KCNH5: variants seen among roughly 807,000 people sequenced by gnomAD.
KCNH5 encodes the protein potassium voltage-gated channel subfamily H member 5, also known as voltage-gated delayed rectifier potassium channel KCNH5.
Under a neutral mutation model 96.1 loss-of-function variants are expected in KCNH5, and 46 were observed. That is an observed-to-expected ratio of 0.48 (90% confidence interval 0.38 to 0.61). The LOEUF is 0.61. KCNH5 is among the 20% of genes least tolerant of loss of function. The pLI is 0.00. For missense variants in KCNH5, 907 were observed against 1,225.8 expected (o/e 0.74, Z 3.88); for synonymous variants, 439 against 449.8 (o/e 0.98, Z 0.30).
chr14:62,826,365 T>G (rs1887223271), intron 8 of KCNH5, among the ~76,000 whole-genome samples: 1 of 151,474 alleles, frequency 6.6e-6, no homozygotes, highest in African/African-American at 2.4e-5. Flanking sequence ...TGTTTGGCTT[T>G]TATTATTGTT....
rs1382379312 is a variant in KCNH5, at chr14:62,700,178, A to C, written c.*7330T>G. ...AACATAGACTAAAAAGAACTCTATAATTTTCAATATATCGTGAATCTGCAC... is the reference window on the plus strand; with the variant it reads ...AACATAGACTAAAAAGAACTCTATACTTTTCAATATATCGTGAATCTGCAC... On this transcript the variant is annotated 3_prime_UTR_variant, in exon 11 of 11. Coordinates refer to ENST00000322893, the MANE Select transcript of KCNH5 (RefSeq NM_139318.5). 2.6e-5 allele frequency: 4 copies of C among 152,192 alleles called. No individual in the cohort carries two copies. The highest frequency in any genetic ancestry group is 9.7e-5 in the African/African-American group (4 of 41,446). 9.4% of individuals were successfully genotyped at this position (152,192 alleles called of 1,614,324 possible).
intron 10 of KCNH5, among the ~76,000 whole-genome samples, chr14:62,727,568 A>G (rs1405451328): frequency 6.6e-6 from 1 of 152,144 alleles, no homozygotes; most frequent in African/African-American, 2.4e-5. Flanking sequence ...GTATATTTTC[A>G]TAAGAAGTTT....
intron 7 of KCNH5, among the ~76,000 whole-genome samples, chr14:62,945,169 T>G (rs1889862957): frequency 2.0e-5 from 3 of 152,144 alleles, no homozygotes; most frequent in Non-Finnish European, 2.9e-5. Context: ...TGTAGGTAGA[T>G]TCAGAAGGTA....
intron 8 of KCNH5, among the ~76,000 whole-genome samples, chr14:62,811,077 GAAA>G (rs200334774): frequency 6.7e-6 from 1 of 149,298 alleles, no homozygotes; most frequent in Non-Finnish European, 1.5e-5. Context: ...CAACCCTGGG[GAAA>G]AAAAAATGAA....
At chr14:62,929,877 A>G (rs1335568070) in intron 7 of KCNH5, among the ~76,000 whole-genome samples, 1 of 152,044 alleles carries the variant, frequency 6.6e-6, no homozygotes, top group Non-Finnish European at 1.5e-5. Flanking sequence ...TTTAGCTCCC[A>G]TGCAGAATTT....
In KCNH5 at chr14:62,898,791, G is replaced by A. The variant is rs188451761; in HGVS notation, c.1370-48939C>T. Reference sequence around the variant, plus strand: ...CAATAATGTAAAAATAATGGATAGAGGTATCATAAATTATTGCTACATAAT... The same window carrying A: ...CAATAATGTAAAAATAATGGATAGAAGTATCATAAATTATTGCTACATAAT... On this transcript the variant is annotated intron_variant, in intron 7 of 10. Transcript: ENST00000322893. 2.4e-3 allele frequency among the ~76,000 whole-genome samples: 371 copies of A among 152,098 alleles called. 3 individuals are homozygous for A. Among genetic ancestry groups the A allele is most frequent in the African/African-American group, 8.6e-3 (356 of 41,500 alleles).
intron 7 of KCNH5, among the ~76,000 whole-genome samples, chr14:62,914,535 A>C (rs970006421): frequency 6.6e-6 from 1 of 152,158 alleles, no homozygotes; most frequent in African/African-American, 2.4e-5. Flanking sequence ...ATTTCCTAGG[A>C]ATTTTCCACT....
intron 7 of KCNH5, among the ~76,000 whole-genome samples, chr14:62,946,702 C>G: frequency 6.6e-6 from 1 of 152,058 alleles, no homozygotes; most frequent in East Asian, 1.9e-4. Context: ...GTGAGTTAAA[C>G]AGTAGTACAT....
At chr14:63,007,499 A>G (rs1891148830) in intron 2 of KCNH5, among the ~76,000 whole-genome samples, 1 of 152,166 alleles carries the variant, frequency 6.6e-6, no homozygotes, top group South Asian at 2.1e-4. Context: ...AGTACACTAA[A>G]TAAATATGAG....
At chr14:62,797,405 G>T (rs1886562906) in intron 9 of KCNH5, among the ~76,000 whole-genome samples, 1 of 152,104 alleles carries the variant, frequency 6.6e-6, no homozygotes, top group Non-Finnish European at 1.5e-5. Flanking sequence ...TCATCATCAT[G>T]ATCTATAGAA....
intron 9 of KCNH5, among the ~76,000 whole-genome samples, chr14:62,785,781 G>A (rs753517899): frequency 1.3e-5 from 2 of 152,146 alleles, no homozygotes; most frequent in Admixed American, 6.5e-5. Context: ...TACAGACTAT[G>A]GTATGCTTAG....
intron 3 of KCNH5, among the ~76,000 whole-genome samples, chr14:63,002,974 C>T (rs1455481627): frequency 6.6e-6 from 1 of 152,068 alleles, no homozygotes; most frequent in Non-Finnish European, 1.5e-5. Flanking sequence ...CAGACCCAGA[C>T]GTTAGTGGAT....
chr14:62,856,432 T>A (rs770599660), intron 7 of KCNH5, among the ~76,000 whole-genome samples: 2 of 152,252 alleles, frequency 1.3e-5, no homozygotes, highest in African/African-American at 4.8e-5. Flanking sequence ...GATATGATAA[T>A]GCATTGGCAG....
At chr14:62,882,010 T>A (rs1385258968) in intron 7 of KCNH5, among the ~76,000 whole-genome samples, 3 of 147,972 alleles carry the variant, frequency 2.0e-5, no homozygotes. Context: ...ATGCCTGTAA[T>A]CCCAGCACTT....
chr14:62,976,788 T>C (rs79933562), intron 6 of KCNH5, among the ~76,000 whole-genome samples: 4,191 of 152,240 alleles, frequency 0.028, 88 homozygotes, highest in Non-Finnish European at 0.037. Flanking sequence ...TGAAGGAAAA[T>C]TATCTCTAGC....
At position 62,708,081 on chromosome 14, in the gene KCNH5, G is replaced by A. The variant is rs1317109121; in HGVS notation, c.2394C>T (p.Asn798=). 3 of 1,614,088 alleles carry A rather than the reference G, an allele frequency of 1.9e-6. No homozygotes were observed. Among genetic ancestry groups the A allele is most frequent in the Non-Finnish European group, 2.5e-6 (3 of 1,180,056 alleles). ...TTCCATTCTTCATTCTTATTGGGCT[G>A]TTGACTTTGAGACATTTTTGGTCAG... is the stretch of plus-strand genomic sequence containing the variant. The part of the protein sequence containing the change: ...GGADQKCLKV[N]SPIRMKNGNG... The change falls in exon 11 of 11, where the codon AAC becomes AAT. Residue 798 remains asparagine, a synonymous_variant. Coordinates refer to ENST00000322893, the MANE Select transcript of KCNH5 (RefSeq NM_139318.5).
Position 62,971,322 on chromosome 14 carries a change from T to C in KCNH5, c.942+9550A>G, listed in dbSNP as rs556361044. ...TCTAATAAAATGTGCACATGATCTA[T>C]GAGGAAAACTACAAAACTGATGAAA... On this transcript the variant is annotated intron_variant, in intron 6 of 10. Coordinates refer to ENST00000322893, the MANE Select transcript of KCNH5 (RefSeq NM_139318.5). Among the ~76,000 whole-genome samples, 17 of 152,180 alleles carry C rather than the reference T, an allele frequency of 1.1e-4. No homozygotes were observed. The East Asian group carries it at 3.1e-3, about 28-fold the overall frequency.
intron 9 of KCNH5, 99 bp downstream of exon 9, chr14:62,802,230 G>A: frequency 2.3e-6 from 3 of 1,280,014 alleles, no homozygotes; most frequent in Non-Finnish European, 3.3e-6. Context: ...AATTTCCAAA[G>A]TTACCAAACA....
chr14:62,718,166 G>GT (rs1378072958), intron 10 of KCNH5, among the ~76,000 whole-genome samples: 1 of 152,022 alleles, frequency 6.6e-6, no homozygotes, highest in African/African-American at 2.4e-5. Flanking sequence ...TTATTGTGTG[G>GT]TTTTTCACTA....
Sources: gnomAD v4.1 joint callset for allele counts (sites outside exome capture counted in the v4.1 genomes callset) on GRCh38, gnomAD v4.1.1 for gene constraint, MANE v1.5 for transcripts, NCBI Gene and HGNC (gene_info 2026-07-23, HGNC 2026-07-21) for gene names.